The following KCNB2 variants were observed in gnomAD, a reference collection of about 807,000 sequenced individuals.
KCNB2 encodes the protein potassium voltage-gated channel subfamily B member 2, also known as delayed rectifier potassium channel protein.
KCNB2 carries 15 observed loss-of-function variants against 61.5 expected under a neutral mutation model. The ratio of observed to expected loss-of-function variants is 0.24; its 90% CI spans 0.16 to 0.38. The LOEUF (loss-of-function observed/expected upper bound fraction) is 0.38, where lower values mean the gene tolerates loss of function less well. KCNB2 is among the 10% of genes least tolerant of loss of function. The pLI, the probability that KCNB2 is intolerant of heterozygous loss-of-function variation, is 1.00. For missense variants in KCNB2, 828 were observed against 1,125.2 expected, an observed-to-expected ratio of 0.74 and a Z score of 3.78; for synonymous variants, 457 against 446.0, an observed-to-expected ratio of 1.02 and a Z score of -0.31.
chr8:72,735,463 C>A (rs1310412767), intron 2 of KCNB2, among the ~76,000 whole-genome samples: 2 of 152,152 alleles, frequency 1.3e-5, no homozygotes, highest in Non-Finnish European at 2.9e-5. Context: ...AAAGGTCTCA[C>A]ATGCAAAAAC....
chr8:72,854,900 C>G (rs1200092160), intron 2 of KCNB2, among the ~76,000 whole-genome samples: 4 of 152,136 alleles, frequency 2.6e-5, no homozygotes, highest in Non-Finnish European at 5.9e-5. Context: ...AAGCTATGAG[C>G]AGAATTGAAA....
In KCNB2 at chr8:72,637,009, G is replaced by A. The variant is rs1805975922; in HGVS notation, c.579+68696G>A. 3.9e-5 allele frequency among the ~76,000 whole-genome samples: 6 copies of A among 151,964 alleles called. 1 individual carries two copies. Among genetic ancestry groups the A allele is most frequent in the Admixed American group, 3.9e-4 (6 of 15,262 alleles). On this transcript the variant is annotated intron_variant, in intron 2 of 2. Transcript: ENST00000523207. ...CACTATTGAGTCGAAAGGTAAGAGT[G>A]GTGGTTGATGCTCTTGCCTTGAGTG...
At chr8:72,560,789 A>G (rs1019303699) in intron 1 of KCNB2, among the ~76,000 whole-genome samples, 6 of 152,136 alleles carry the variant, frequency 3.9e-5, no homozygotes, top group African/African-American at 1.4e-4. Context: ...ATTCAATATT[A>G]TATTTTTCAG....
intron 2 of KCNB2, among the ~76,000 whole-genome samples, chr8:72,695,717 T>C (rs1461268637): frequency 2.0e-5 from 3 of 152,200 alleles, no homozygotes; most frequent in African/African-American, 7.2e-5. Context: ...ATTTTTCTAT[T>C]GTCTAATTCA....
chr8:72,645,395 T>C lies in KCNB2; in HGVS notation c.579+77082T>C, dbSNP rs371540754. The stretch of plus-strand genomic sequence containing the variant: ...ATGAGCAGTTATGAGATGGCAGTAG[T>C]GCATTTTATGCTCGCAAGTGCATCA... On this transcript the variant is annotated intron_variant, in intron 2 of 2. Transcript: ENST00000523207. Among the ~76,000 whole-genome samples the C allele has an allele frequency of 1.3e-4, 20 of 152,312 alleles. No individual in the cohort carries two copies. The East Asian group carries it at 2.5e-3, about 19-fold the overall frequency.
intron 2 of KCNB2, among the ~76,000 whole-genome samples, chr8:72,818,998 A>G (rs565132801): frequency 1.3e-5 from 2 of 152,252 alleles, no homozygotes; most frequent in East Asian, 1.9e-4. Flanking sequence ...ATTTATTTGT[A>G]GAATAGTGAG....
chr8:72,816,080 G>A (rs1171553371), intron 2 of KCNB2, among the ~76,000 whole-genome samples: 2 of 152,112 alleles, frequency 1.3e-5, no homozygotes, highest in African/African-American at 4.8e-5. Flanking sequence ...ATTTTATAAA[G>A]AGAAAAAAAC....
chr8:72,553,683 A>G (rs1386748280), intron 1 of KCNB2, among the ~76,000 whole-genome samples: 1 of 152,138 alleles, frequency 6.6e-6, no homozygotes, highest in Admixed American at 6.6e-5. Context: ...TTAAGAAGCT[A>G]CTTCTTAAAC....
At chr8:72,763,204 C>G (rs1808412638) in intron 2 of KCNB2, among the ~76,000 whole-genome samples, 1 of 152,052 alleles carries the variant, frequency 6.6e-6, no homozygotes, top group Admixed American at 6.6e-5. Context: ...AGGGTAGAAC[C>G]TGAAGACTCT....
intron 2 of KCNB2, among the ~76,000 whole-genome samples, chr8:72,889,256 C>T (rs923539883): frequency 9.9e-5 from 15 of 152,140 alleles, no homozygotes; most frequent in African/African-American, 3.6e-4. Flanking sequence ...GCTAAAAAGA[C>T]ATACTTACTG....
intron 2 of KCNB2, among the ~76,000 whole-genome samples, chr8:72,669,754 A>G (rs1003737041): frequency 2.0e-5 from 3 of 152,256 alleles, no homozygotes; most frequent in Non-Finnish European, 4.4e-5. Flanking sequence ...ATGTCATTCA[A>G]GGATCTAGAG....
At chr8:72,803,271 C>G (rs1325972379) in intron 2 of KCNB2, among the ~76,000 whole-genome samples, 1 of 152,172 alleles carries the variant, frequency 6.6e-6, no homozygotes, top group African/African-American at 2.4e-5. Context: ...GTTGTGGACA[C>G]AGCAGTCCAC....
At chr8:72,720,679 A>T (rs1807534044) in intron 2 of KCNB2, among the ~76,000 whole-genome samples, 1 of 152,192 alleles carries the variant, frequency 6.6e-6, no homozygotes, top group South Asian at 2.1e-4. Context: ...CAGCACAGTG[A>T]CTAGCACATA....
rs183022996 is a variant in KCNB2, at chr8:72,835,347, A to G, written c.580-100588A>G. On this transcript the variant is annotated intron_variant, in intron 2 of 2. Coordinates refer to ENST00000523207, the MANE Select transcript of KCNB2 (RefSeq NM_004770.3). ...TGGGATATGGTCACTTTGCCTTATC[A>G]GGAAAGAGAAAGCAATAGACAACAG... is the stretch of plus-strand genomic sequence containing the variant. Among the ~76,000 whole-genome samples, 103 of 152,330 alleles carry G rather than the reference A, an allele frequency of 6.8e-4. No individual in the cohort carries two copies. In the East Asian group the frequency reaches 0.018, roughly 26 times the overall value.
intron 2 of KCNB2, among the ~76,000 whole-genome samples, chr8:72,597,683 A>G (rs1040810870): frequency 6.6e-6 from 1 of 152,206 alleles, no homozygotes; most frequent in Non-Finnish European, 1.5e-5. Flanking sequence ...AGGTGAGTAC[A>G]GTTTAGCCAT....
chr8:72,690,901 GCTCCATGTTC>G (rs1303647861), intron 2 of KCNB2, among the ~76,000 whole-genome samples: 1 of 152,028 alleles, frequency 6.6e-6, no homozygotes, highest in African/African-American at 2.4e-5. Flanking sequence ...GAATCCTCTG[GCTCCATGTTC>G]CTGAAAGTAA....
chr8:72,906,472 A>G (rs1428658837), intron 2 of KCNB2, among the ~76,000 whole-genome samples: 1 of 152,222 alleles, frequency 6.6e-6, no homozygotes, highest in African/African-American at 2.4e-5. Flanking sequence ...TTTTACAACC[A>G]AAGTGTTCAA....
rs1306674781 is a variant in KCNB2 at position 72,828,735 on chromosome 8, C to T, written c.580-107200C>T. 2.0e-5 allele frequency among the ~76,000 whole-genome samples: 3 copies of T among 152,280 alleles called. No individual in the cohort carries two copies. The Middle Eastern group carries it at 0.01, about 518-fold the overall frequency. On this transcript the variant is annotated intron_variant, in intron 2 of 2. Coordinates refer to ENST00000523207, the MANE Select transcript of KCNB2 (RefSeq NM_004770.3). The stretch of plus-strand genomic sequence containing the variant: ...TAAGAATGAGGATGCTATAATCACG[C>T]GTTCTTTAATTCTTTAAGCCTAGAA...
chr8:72,921,579 T>C (rs1422792013), intron 2 of KCNB2, among the ~76,000 whole-genome samples: 5 of 152,232 alleles, frequency 3.3e-5, no homozygotes, highest in African/African-American at 1.2e-4. Context: ...TTTTAAAAAT[T>C]GGTTTTTAAA....
Sources: gnomAD v4.1 joint callset for allele counts (sites outside exome capture counted in the v4.1 genomes callset) on GRCh38, gnomAD v4.1.1 for gene constraint, MANE v1.5 for transcripts, NCBI Gene and HGNC (gene_info 2026-07-23, HGNC 2026-07-21) for gene names.